DCAF12: variants seen among roughly 807,000 people sequenced by gnomAD.
DCAF12 encodes DDB1- and CUL4-associated factor 12.
In DCAF12, 28 loss-of-function variants were observed where a neutral mutation model predicts 52.8. The observed-to-expected ratio is 0.53, with a 90% confidence interval of 0.39 to 0.73. The LOEUF (loss-of-function observed/expected upper bound fraction) is 0.73. DCAF12 is among the 30% of genes least tolerant of loss of function. DCAF12 has a pLI of 0.00. For synonymous variants in DCAF12, 196 were observed against 215.5 expected (o/e 0.91, Z 0.79); for missense variants, 425 against 552.2 (o/e 0.77, Z 2.31).
At chr9:34,107,327 T>C in intron 3 of DCAF12, 32 bp downstream of exon 3, 1 of 1,602,256 alleles carries the variant, frequency 6.2e-7, no homozygotes, top group Non-Finnish European at 8.5e-7. Flanking sequence ...AAAACAAGGC[T>C]CCCTCCAACT....
rs570223391 is a variant in DCAF12, at chr9:34,089,682, C to T, written c.1025-92G>A. On this transcript the variant is annotated intron_variant, in intron 7 of 8. Coordinates refer to ENST00000361264, the MANE Select transcript of DCAF12 (RefSeq NM_015397.4). The stretch of plus-strand genomic sequence containing the variant: ...AATTTCTCCAACACTGAGTTTTCAA[C>T]GTCCACCCTGCTCCCCTCCACCCGC... 28 of 1,283,934 alleles carry T rather than the reference C, an allele frequency of 2.2e-5. 1 individual carries two copies. Among genetic ancestry groups the T allele is most frequent in the Admixed American group, 1.0e-4 (4 of 39,276 alleles). 79.5% of individuals were successfully genotyped at this position (1,283,934 alleles called of 1,614,324 possible). A position where few individuals can be genotyped will look rare whatever the true frequency, so the allele number is the denominator to read the frequency against.
intron 2 of DCAF12, chr9:34,109,107 G>A (rs1828956794): frequency 6.6e-6 from 1 of 151,044 alleles, no homozygotes; most frequent in Non-Finnish European, 1.5e-5. Flanking sequence ...GGCTATCACA[G>A]AACAGACTAT....
intron 2 of DCAF12, among the ~76,000 whole-genome samples, chr9:34,122,787 CT>C (rs1829194849): frequency 1.3e-5 from 2 of 152,144 alleles, no homozygotes; most frequent in Non-Finnish European, 2.9e-5. Context: ...GAAAGAAAAT[CT>C]TTTTAACACT....
At chr9:34,121,258 T>A (rs1322703542) in intron 2 of DCAF12, among the ~76,000 whole-genome samples, 4 of 152,182 alleles carry the variant, frequency 2.6e-5, no homozygotes, top group Non-Finnish European at 4.4e-5. Flanking sequence ...TTCATCTTTA[T>A]CAATTACAGC....
In DCAF12 at chr9:34,126,673, C is replaced by A. The variant is rs564911076; in HGVS notation, c.-242G>T. 26 of 571,732 alleles carry A rather than the reference C, an allele frequency of 4.5e-5. No individual in the cohort carries two copies. Among genetic ancestry groups the A allele is most frequent in the Middle Eastern group, 4.6e-4 (1 of 2,158 alleles). The allele number at this position is 571,732 out of a possible 1,614,324, so 35.4% of individuals were successfully genotyped here. ...ATGAGCGGCTTTCCGACGGCAGAGCCTGCAAGGACGGCGAGCGGCTAGAAC... is the reference window on the plus strand; with the variant it reads ...ATGAGCGGCTTTCCGACGGCAGAGCATGCAAGGACGGCGAGCGGCTAGAAC... On this transcript the variant is annotated 5_prime_UTR_variant, in exon 1 of 9. It adds an upstream start codon to the 5' untranslated region. Coordinates refer to ENST00000361264, the MANE Select transcript of DCAF12 (RefSeq NM_015397.4).
At chr9:34,090,214 C>G (rs535653650) in intron 7 of DCAF12, among the ~76,000 whole-genome samples, 1 of 152,258 alleles carries the variant, frequency 6.6e-6, no homozygotes, top group African/African-American at 2.4e-5. Flanking sequence ...CAGGCTCCTG[C>G]CATCACACTC....
At chr9:34,107,249 A>G in intron 3 of DCAF12, 110 bp downstream of exon 3, 3 of 1,025,686 alleles carry the variant, frequency 2.9e-6, no homozygotes, top group South Asian at 1.3e-5. Context: ...ACTGTGCCCT[A>G]TGGGGAGTCC....
intron 5 of DCAF12, 93 bp from the exon 6 acceptor site, chr9:34,096,874 A>G: frequency 8.5e-7 from 1 of 1,174,620 alleles, no homozygotes; most frequent in Non-Finnish European, 1.2e-6. Flanking sequence ...AGGGTCCTTT[A>G]TTCCTGTCTC....
At chr9:34,093,110 A>G (rs1283932573) in intron 7 of DCAF12, among the ~76,000 whole-genome samples, 176 bp downstream of exon 7, 1 of 152,208 alleles carries the variant, frequency 6.6e-6, no homozygotes, top group African/African-American at 2.4e-5. Context: ...CGGCCTCCCA[A>G]AGTGCTGGGA....
intron 2 of DCAF12, among the ~76,000 whole-genome samples, chr9:34,118,290 T>G (rs970037736): frequency 1.3e-5 from 2 of 152,098 alleles, no homozygotes; most frequent in African/African-American, 2.4e-5. Flanking sequence ...TGCGGCATCA[T>G]GCCCGGCTAA....
chr9:34,092,694 A>C (rs149390215), intron 7 of DCAF12, among the ~76,000 whole-genome samples: 43,360 of 151,462 alleles, frequency 0.29, 6,358 homozygotes, highest in Middle Eastern at 0.33. Flanking sequence ...CAAAAAAAAA[A>C]AACAACAACA....
At chr9:34,103,245 C>T (rs1382547591) in intron 4 of DCAF12, among the ~76,000 whole-genome samples, 1 of 149,640 alleles carries the variant, frequency 6.7e-6, no homozygotes, top group Non-Finnish European at 1.5e-5. Flanking sequence ...GCCATCTCTA[C>T]TAAAAAGACA....
chr9:34,095,144 G>A (rs1357047903), intron 6 of DCAF12, among the ~76,000 whole-genome samples: 6 of 150,902 alleles, frequency 4.0e-5, no homozygotes, highest in African/African-American at 1.2e-4. Context: ...GCATGATCTC[G>A]GCTCACTGCA....
chr9:34,116,428 TG>T (rs1829089078), intron 2 of DCAF12, among the ~76,000 whole-genome samples: 1 of 151,398 alleles, frequency 6.6e-6, no homozygotes. Context: ...CCCAGCACTT[TG>T]GGCGGTCAAG....
chr9:34,125,355 A>C (rs1228709179), intron 1 of DCAF12, 78 bp from the exon 2 acceptor site: 2 of 1,459,480 alleles, frequency 1.4e-6, no homozygotes, highest in Non-Finnish European at 1.9e-6. Context: ...AGAAATCACC[A>C]ACTCATAACT....
chr9:34,092,260 T>C (rs913971089), intron 7 of DCAF12, among the ~76,000 whole-genome samples: 6 of 152,212 alleles, frequency 3.9e-5, no homozygotes, highest in African/African-American at 1.2e-4. Context: ...ATCTACATAA[T>C]GAACATACTC....
At chr9:34,112,475 T>C (rs1564100493) in intron 2 of DCAF12, among the ~76,000 whole-genome samples, 1 of 151,708 alleles carries the variant, frequency 6.6e-6, no homozygotes. Flanking sequence ...GAGTCTGTAA[T>C]CCTGGCTACT....
chr9:34,093,375 G>A lies in DCAF12; in HGVS notation c.935C>T (p.Ala312Val), dbSNP rs779400337. 3.7e-6 allele frequency: 6 copies of A among 1,614,078 alleles called. No individual in the cohort carries two copies. Among genetic ancestry groups the A allele is most frequent in the Admixed American group, 1.7e-5 (1 of 59,998 alleles). Residue 312 changes from alanine to valine, a missense_variant, in exon 7 of 9, where the codon GCA becomes GTA. This residue lies in a region of DCAF12 where 328 missense variants were observed against 444.4 expected (regional missense o/e 0.74). Transcript: ENST00000361264. The part of the protein sequence containing the change: ...LAYGSEWSVY[A>V]VGSQAHVSFL... ...GGAGACATGAGCTTGGGAGCCCACT[G>A]CATAAACTGACCATTCACTACCATA...
intron 2 of DCAF12, among the ~76,000 whole-genome samples, chr9:34,119,108 T>C (rs1829133112): frequency 6.6e-6 from 1 of 152,226 alleles, no homozygotes; most frequent in Non-Finnish European, 1.5e-5. Flanking sequence ...GGGGCTATTT[T>C]GAGCTCCAAA....
Sources: allele counts gnomAD v4.1 joint callset (sites outside exome capture counted in the v4.1 genomes callset), GRCh38; gene constraint gnomAD v4.1.1; regional missense constraint gnomAD v4.1.1; transcripts MANE v1.5; gene names NCBI Gene and HGNC (gene_info 2026-07-23, HGNC 2026-07-21).